Variants in GPATCH1 observed in about 807,000 individuals in gnomAD.
GPATCH1 encodes the protein G patch domain-containing protein 1.
In GPATCH1, 73 loss-of-function variants were observed where a neutral mutation model predicts 114.9. The observed-to-expected ratio is 0.64, with a 90% CI of 0.53 to 0.77. GPATCH1 has a LOEUF of 0.77. Among genes scored for constraint, GPATCH1 ranks in the 30% least tolerant of loss-of-function variants. GPATCH1 has a pLI of 0.00. For synonymous variants in GPATCH1, 391 were observed against 428.4 expected (o/e 0.91, Z 1.08); for missense variants, 1,058 against 1,144.3 (o/e 0.92, Z 1.09).
At position 33,130,304 on chromosome 19, in the gene GPATCH1, A is replaced by G. The variant is rs1301692125; in HGVS notation, c.*144A>G. The G allele has an allele frequency of 1.3e-5, 7 of 524,854 alleles. No homozygotes were observed. Among genetic ancestry groups the G allele is most frequent in the Non-Finnish European group, 2.0e-5 (6 of 298,100 alleles). 32.5% of individuals were successfully genotyped at this position (524,854 alleles called of 1,614,324 possible). ...TTTTTAAAACCTTGACATTTCAAAGACTGCCTTGAAAGGTCGCAGAAATTG... is the reference window on the plus strand; with the variant it reads ...TTTTTAAAACCTTGACATTTCAAAGGCTGCCTTGAAAGGTCGCAGAAATTG... On this transcript the variant is annotated 3_prime_UTR_variant, in exon 20 of 20. Coordinates refer to ENST00000170564, the MANE Select transcript of GPATCH1 (RefSeq NM_018025.3).
At chr19:33,129,669 C>T (rs1973080976) in intron 19 of GPATCH1, among the ~76,000 whole-genome samples, 1 of 151,154 alleles carries the variant, frequency 6.6e-6, no homozygotes, top group East Asian at 2.0e-4. Context: ...ACAGATTGGC[C>T]GGGTACGGTG....
At chr19:33,103,385 G>A (rs907181681) in intron 9 of GPATCH1, among the ~76,000 whole-genome samples, 1 of 152,124 alleles carries the variant, frequency 6.6e-6, no homozygotes, top group African/African-American at 2.4e-5. Context: ...AAAGGAAAAT[G>A]CAGGTGTTTT....
rs1972657749 is a variant in GPATCH1 at position 33,096,293 on chromosome 19, G to C, written c.699G>C (p.Val233=). 1.2e-6 allele frequency: 2 copies of C among 1,614,062 alleles called. No homozygotes were observed. Among genetic ancestry groups the C allele is most frequent in the African/African-American group, 1.3e-5 (1 of 75,020 alleles). ...TPVDFTPKDN[V]HGLAYKGLDP... ...TGGATTTCACACCTAAAGATAATGT[G>C]CATGGTCTAGCTTACAAGGGCCTGG... Residue 233 remains valine, a synonymous_variant, in exon 7 of 20, where the codon GTG becomes GTC. Transcript: ENST00000170564.
chr19:33,109,525 TAATAAG>T (rs1270591666), intron 10 of GPATCH1, among the ~76,000 whole-genome samples, 186 bp from the exon 11 acceptor site: 1 of 151,926 alleles, frequency 6.6e-6, no homozygotes, highest in East Asian at 1.9e-4. Flanking sequence ...ATAATAATAA[TAATAAG>T]AAGAAGAATC....
At chr19:33,109,276 G>A (rs2145325220) in intron 10 of GPATCH1, among the ~76,000 whole-genome samples, 1 of 152,284 alleles carries the variant, frequency 6.6e-6, no homozygotes, top group Admixed American at 6.5e-5. Flanking sequence ...CAGCACTTTG[G>A]GAGGCCGAGG....
intron 1 of GPATCH1, among the ~76,000 whole-genome samples, chr19:33,085,288 T>A (rs1260726405): frequency 6.6e-6 from 1 of 152,158 alleles, no homozygotes; most frequent in Non-Finnish European, 1.5e-5. Flanking sequence ...TATGGCTCAC[T>A]GCAGCCTTGG....
chr19:33,120,322 GATATATAAAATT>G (rs1313699011), intron 17 of GPATCH1, among the ~76,000 whole-genome samples: 9 of 67,748 alleles, frequency 1.3e-4, no homozygotes, highest in African/African-American at 3.2e-4. Flanking sequence ...ACATAAAAAT[GATATATAAAATT>G]ATATATAAAA....
At chr19:33,125,026 A>G in intron 17 of GPATCH1, 79 bp from the exon 18 acceptor site, 2 of 1,463,370 alleles carry the variant, frequency 1.4e-6, no homozygotes, top group Non-Finnish European at 1.9e-6. Context: ...TGCCTGATTC[A>G]GCAGTTTAGG....
rs553885073 is a variant in GPATCH1 at position 33,128,181 on chromosome 19, C to T, written c.2765+1448C>T. ...CAGCTCACTGTAAACTCTGCCTCTC[C>T]GGCTCAAGGGATCCTCCCACCTCAG... On this transcript the variant is annotated intron_variant, in intron 19 of 19. Coordinates refer to ENST00000170564, the MANE Select transcript of GPATCH1 (RefSeq NM_018025.3). 7.9e-5 allele frequency among the ~76,000 whole-genome samples: 12 copies of T among 152,046 alleles called. No individual in the cohort carries two copies. The South Asian group carries it at 1.2e-3, about 16-fold the overall frequency.
chr19:33,082,052 T>G (rs1254969006), intron 1 of GPATCH1, among the ~76,000 whole-genome samples: 1 of 121,068 alleles, frequency 8.3e-6, no homozygotes, highest in Non-Finnish European at 1.7e-5. Context: ...ATACACTGGT[T>G]GGGGATGGGT....
chr19:33,108,701 G>C (rs773725331), intron 10 of GPATCH1, among the ~76,000 whole-genome samples: 2 of 151,768 alleles, frequency 1.3e-5, no homozygotes, highest in Non-Finnish European at 2.9e-5. Flanking sequence ...GGCTTCTTTC[G>C]TGTCTCCACT....
chr19:33,095,623 A>ATCCTCTCACCT, intron 5 of GPATCH1, 139 bp from the exon 6 acceptor site: 1 of 674,294 alleles, frequency 1.5e-6, no homozygotes, highest in Non-Finnish European at 2.7e-6. Context: ...GCTGGTCTTG[A>ATCCTCTCACCT]ACTCCTGGGC....
chr19:33,083,469 A>C (rs2145296539), intron 1 of GPATCH1, among the ~76,000 whole-genome samples: 2 of 148,354 alleles, frequency 1.3e-5, no homozygotes, highest in East Asian at 4.1e-4. Context: ...ATCTCGGCTC[A>C]CTGCAACCTC....
At chr19:33,113,267 C>G (rs921501248) in intron 13 of GPATCH1, 1 of 156,944 alleles carries the variant, frequency 6.4e-6, no homozygotes, top group African/African-American at 2.4e-5. Flanking sequence ...ATGGTGAAAC[C>G]CCGTCTCTAC....
intron 17 of GPATCH1, among the ~76,000 whole-genome samples, chr19:33,122,366 C>A (rs2145339133): frequency 6.6e-6 from 1 of 151,448 alleles, no homozygotes; most frequent in East Asian, 1.9e-4. Context: ...GCTCTGTCAC[C>A]CAGGCTGGAG....
chr19:33,082,088 A>G (rs1439244070), intron 1 of GPATCH1, among the ~76,000 whole-genome samples: 1 of 118,258 alleles, frequency 8.5e-6, no homozygotes, highest in Non-Finnish European at 1.8e-5. Context: ...AGATTAGCAA[A>G]AAGAGGTCAG....
intron 17 of GPATCH1, among the ~76,000 whole-genome samples, chr19:33,123,940 G>A (rs1038875610): frequency 2.0e-5 from 3 of 151,038 alleles, no homozygotes; most frequent in Non-Finnish European, 4.4e-5. Flanking sequence ...TGCAGCCTCT[G>A]CCTCCTGGGT....
intron 10 of GPATCH1, among the ~76,000 whole-genome samples, chr19:33,107,202 A>T (rs955228466): frequency 6.6e-6 from 1 of 151,746 alleles, no homozygotes; most frequent in African/African-American, 2.4e-5. Flanking sequence ...CCCACCTCAG[A>T]CTCCCATGTT....
In GPATCH1 at chr19:33,087,683, AT is replaced by A. The variant is rs147397881; in HGVS notation, c.74-434del. ...CTGTCGGAACTCTCCTGACATTATA[AT>A]TTTTTTTTTTTTTTTTGGGGGAGAA... On this transcript the variant is annotated intron_variant, in intron 1 of 19. Transcript: ENST00000170564. Among the ~76,000 whole-genome samples the A allele has an allele frequency of 9.0e-3, 1,247 of 137,868 alleles. 9 individuals carry two copies. The highest frequency in any genetic ancestry group is 0.018 in the African/African-American group (661 of 37,702). The allele number at this position is 137,868 out of a possible 152,430, so 90.4% of individuals were successfully genotyped here. A position where few individuals can be genotyped will look rare whatever the true frequency, so the allele number is the denominator to read the frequency against.
Sources: gnomAD v4.1 joint callset for allele counts (sites outside exome capture counted in the v4.1 genomes callset) on GRCh38, gnomAD v4.1.1 for gene constraint, MANE v1.5 for transcripts, NCBI Gene and HGNC (gene_info 2026-07-23, HGNC 2026-07-21) for gene names.